The following PYM1 variants were observed in gnomAD, a reference collection of about 807,000 sequenced individuals.
PYM1 encodes the protein PYM1 exon junction complex associated factor, also known as partner of Y14 and mago.
Under a neutral mutation model 20.7 loss-of-function variants are expected in PYM1, and 7 were observed. The observed-to-expected ratio is 0.34, with a 90% confidence interval of 0.19 to 0.64. The LOEUF (loss-of-function observed/expected upper bound fraction) is 0.64. Ranked by LOEUF, PYM1 falls within the 30% of genes least tolerant of loss-of-function variation. The pLI, the probability that PYM1 is intolerant of heterozygous loss-of-function variation, is 0.74. For synonymous variants in PYM1, 100 were observed against 99.2 expected, an observed-to-expected ratio of 1.01 and a Z score of -0.05; for missense variants, 194 against 250.0, an observed-to-expected ratio of 0.78 and a Z score of 1.51.
chr12:55,905,143 A>G (rs1017581092), intron 1 of PYM1, among the ~76,000 whole-genome samples: 1 of 149,474 alleles, frequency 6.7e-6, no homozygotes, highest in Non-Finnish European at 1.5e-5. Context: ...CTGGGACTAC[A>G]GGCGCCTGCC....
At chr12:55,926,453 T>C (rs575709360) in intron 1 of PYM1, among the ~76,000 whole-genome samples, 2 of 152,294 alleles carry the variant, frequency 1.3e-5, no homozygotes, top group African/African-American at 4.8e-5. Flanking sequence ...TTTTCCCACC[T>C]TAGACCCCTC....
chr12:55,917,196 G>A (rs928921985), intron 1 of PYM1, among the ~76,000 whole-genome samples: 4 of 152,026 alleles, frequency 2.6e-5, no homozygotes, highest in Non-Finnish European at 4.4e-5. Flanking sequence ...AAGACGGGTG[G>A]ATCACCTGAG....
intron 1 of PYM1, among the ~76,000 whole-genome samples, chr12:55,914,752 C>T (rs1041066107): frequency 1.3e-5 from 2 of 152,014 alleles, no homozygotes; most frequent in Non-Finnish European, 2.9e-5. Flanking sequence ...GTTTCCAACA[C>T]AGAGAAAATA....
intron 1 of PYM1, among the ~76,000 whole-genome samples, chr12:55,922,727 AC>A (rs1172998259): frequency 6.6e-6 from 1 of 152,178 alleles, no homozygotes; most frequent in African/African-American, 2.4e-5. Context: ...AAAACACATA[AC>A]CCAAATCTAA....
rs139166715 is a variant in PYM1, at chr12:55,908,207, C to T, written c.38-4727G>A. On this transcript the variant is annotated intron_variant, in intron 1 of 2. Coordinates refer to ENST00000408946, the MANE Select transcript of PYM1 (RefSeq NM_032345.3). ...GCAGTGAGCCAAGATTGCACCGCTG[C>T]ACTCCAACCTGGGCGACAGAGAAAG... is the stretch of plus-strand genomic sequence containing the variant. 5.9e-3 allele frequency among the ~76,000 whole-genome samples: 899 copies of T among 151,926 alleles called. 4 individuals are homozygous for T. The highest frequency in any genetic ancestry group is 6.9e-3 in the Admixed American group (105 of 15,240).
rs201794103 is a variant in PYM1, at chr12:55,901,896, T to C, written c.591A>G (p.Leu197=). The C allele has an allele frequency of 2.3e-5, 37 of 1,612,114 alleles. No individual in the cohort carries two copies. Among genetic ancestry groups the C allele is most frequent in the Non-Finnish European group, 2.8e-5 (33 of 1,179,356 alleles). The part of the protein sequence containing the change: ...LARRRALEEE[L]EDLELGL ...CTCAGAGGCCTAACTCCAAGTCCTC[T>C]AACTCCTCTTCTAGCGCCCTCCTCC... Residue 197 remains leucine (L), a synonymous_variant, in exon 3 of 3, where the codon TTA becomes TTG. Coordinates refer to ENST00000408946, the MANE Select transcript of PYM1 (RefSeq NM_032345.3).
Position 55,927,741 on chromosome 12 carries a change from AG to A in PYM1, c.20del (p.Pro7LeufsTer26), listed in dbSNP as rs1883222267. On this transcript the variant is annotated frameshift_variant, in exon 1 of 3. Coordinates refer to ENST00000408946, the MANE Select transcript of PYM1 (RefSeq NM_032345.3). LOFTEE classifies it high-confidence loss of function. MEAAGSPAATETGKYIA... is the reference protein window; with the variant it reads MEAAGSXAATETGKYIA... Reference sequence around the variant, plus strand: ...GTCGGTCACCTGTCTCCGTAGCCGCAGGGCTGCCGGCAGCTTCCATGGCCGA... The same window carrying A: ...GTCGGTCACCTGTCTCCGTAGCCGCAGGCTGCCGGCAGCTTCCATGGCCGA... The A allele has an allele frequency of 6.5e-7, 1 of 1,539,730 alleles. No individual in the cohort carries two copies. The highest frequency in any genetic ancestry group is 1.2e-5 in the South Asian group (1 of 83,934).
At chr12:55,927,166 A>G (rs1352556794) in intron 1 of PYM1, 2 of 1,538,346 alleles carry the variant, frequency 1.3e-6, no homozygotes, top group Admixed American at 2.0e-5. Flanking sequence ...CCCCCTCCCC[A>G]CCGGAAGTGG....
intron 1 of PYM1, among the ~76,000 whole-genome samples, chr12:55,907,615 A>G (rs975862528): frequency 1.4e-5 from 2 of 143,788 alleles, no homozygotes; most frequent in African/African-American, 5.2e-5. Context: ...GCCTGGTGAC[A>G]GAGCGAGACT....
At chr12:55,905,987 A>ATCTAATAG (rs1565714584) in intron 1 of PYM1, among the ~76,000 whole-genome samples, 71 of 124,370 alleles carry the variant, frequency 5.7e-4, no homozygotes, top group Non-Finnish European at 8.4e-4. Flanking sequence ...TATTATATAT[A>ATCTAATAG]ATATAAAATA....
intron 1 of PYM1, chr12:55,927,130 C>T: frequency 6.4e-7 from 1 of 1,551,330 alleles, no homozygotes; most frequent in Non-Finnish European, 8.7e-7. Context: ...CAAACCACTT[C>T]CGGCGTGAGC....
chr12:55,912,158 G>A (rs750785191), intron 1 of PYM1, among the ~76,000 whole-genome samples: 8 of 151,758 alleles, frequency 5.3e-5, no homozygotes, highest in South Asian at 2.1e-4. Context: ...AGACCAGCCC[G>A]GCCAACATGG....
At chr12:55,916,800 CAAAAAAAG>C (rs1007134354) in intron 1 of PYM1, among the ~76,000 whole-genome samples, 7 of 150,560 alleles carry the variant, frequency 4.6e-5, no homozygotes, top group African/African-American at 7.3e-5. Context: ...AAGTCGGTCT[CAAAAAAAG>C]AAAAAAAGAA....
At position 55,901,719 on chromosome 12, in the gene PYM1, G is replaced by A. The variant is rs1015175633; in HGVS notation, c.*153C>T. The A allele has an allele frequency of 2.5e-5, 27 of 1,089,366 alleles. No homozygotes were observed. The highest frequency in any genetic ancestry group is 3.1e-5 in the Non-Finnish European group (24 of 766,868). 67.5% of individuals were successfully genotyped at this position (1,089,366 alleles called of 1,614,324 possible). On this transcript the variant is annotated 3_prime_UTR_variant, in exon 3 of 3. Transcript: ENST00000408946. The stretch of plus-strand genomic sequence containing the variant: ...GGAAGAAAAGGGAAGGATTGAGGGA[G>A]ACGCTAGGCTCTGGAGGACAGAGCT...
chr12:55,918,858 C>A (rs10747760), intron 1 of PYM1, among the ~76,000 whole-genome samples: 128,112 of 152,192 alleles, frequency 0.84, 54,244 homozygotes, highest in African/African-American at 0.93. Context: ...ACAGAGCAAG[C>A]GTCCATCTCA....
chr12:55,927,493 T>G (rs541118805), intron 1 of PYM1: 57 of 691,176 alleles, frequency 8.2e-5, no homozygotes, highest in African/African-American at 2.9e-4. Context: ...AGGAAGAATA[T>G]CCAGGCTCTG....
chr12:55,914,980 C>G (rs560502747), intron 1 of PYM1, among the ~76,000 whole-genome samples: 2 of 151,878 alleles, frequency 1.3e-5, no homozygotes, highest in Non-Finnish European at 2.9e-5. Context: ...CTTTGGGAGG[C>G]CGAGGTGGGT....
Position 55,908,275 on chromosome 12 carries a change from A to T in PYM1, c.38-4795T>A, listed in dbSNP as rs28634574. On this transcript the variant is annotated intron_variant, in intron 1 of 2. Transcript: ENST00000408946. ...AAAAATAAGTAAAATAAATAAAAAT[A>T]AAAAAATTAGCTGGGCATGGTGGCA... Among the ~76,000 whole-genome samples, 12 of 151,938 alleles carry T rather than the reference A, an allele frequency of 7.9e-5. No individual in the cohort carries two copies. The East Asian group carries it at 1.6e-3, about 20-fold the overall frequency.
chr12:55,910,270 T>C (rs928927398), intron 1 of PYM1, among the ~76,000 whole-genome samples: 45 of 137,034 alleles, frequency 3.3e-4, no homozygotes, highest in African/African-American at 1.3e-3. Flanking sequence ...TATATATATA[T>C]ATATATATAT....
Sources: gnomAD v4.1 joint callset for allele counts (sites outside exome capture counted in the v4.1 genomes callset) on GRCh38, gnomAD v4.1.1 for gene constraint, MANE v1.5 for transcripts, NCBI Gene and HGNC (gene_info 2026-07-23, HGNC 2026-07-21) for gene names.